The following IFT56 variants were observed in gnomAD, a reference collection of about 807,000 sequenced individuals.
The protein encoded by IFT56 is intraflagellar transport 56, also known as intraflagellar transport protein 56.
At chr7:139,188,932 A>G in the IFT56 span, among the ~76,000 whole-genome samples, 3 of 152,298 alleles carry the variant, frequency 2.0e-5, no homozygotes, top group Non-Finnish European at 4.4e-5. Flanking sequence ...GAGTTAGACA[A>G]ATTAAGTGAC....
the IFT56 span, among the ~76,000 whole-genome samples, chr7:139,137,141 A>G: frequency 2.0e-5 from 3 of 152,208 alleles, no homozygotes; most frequent in African/African-American, 7.2e-5. Context: ...AGTGAAAAAA[A>G]AAATCTTATC....
chr7:139,191,325 T>C, the IFT56 span: 1 of 152,230 alleles, frequency 6.6e-6, no homozygotes, highest in African/African-American at 2.4e-5. Flanking sequence ...ATGGGTCCCA[T>C]CTGGGTAGAA....
chr7:139,159,820 AT>A, the IFT56 span, among the ~76,000 whole-genome samples: 1 of 152,170 alleles, frequency 6.6e-6, no homozygotes, highest in Admixed American at 6.6e-5. Context: ...AAAAAATTTA[AT>A]TGTTTTTATT....
chr7:139,143,550 C>T, the IFT56 span, among the ~76,000 whole-genome samples: 1 of 151,810 alleles, frequency 6.6e-6, no homozygotes. Context: ...TACTTTCTAC[C>T]TTTCTATGTC....
At chr7:139,149,304 C>CA in the IFT56 span, among the ~76,000 whole-genome samples, 23,365 of 110,616 alleles carry the variant, frequency 0.21, 3,585 homozygotes, top group African/African-American at 0.42. Context: ...GACTCCATCT[C>CA]AAAAAAAAAA....
At chr7:139,157,208 G>A in the IFT56 span, among the ~76,000 whole-genome samples, 4 of 137,822 alleles carry the variant, frequency 2.9e-5, no homozygotes, top group African/African-American at 8.0e-5. Flanking sequence ...GTGCAGTGGC[G>A]TGATCTTGCC....
At chr7:139,154,467 A>C in the IFT56 span, among the ~76,000 whole-genome samples, 1 of 151,510 alleles carries the variant, frequency 6.6e-6, no homozygotes, top group African/African-American at 2.4e-5. Flanking sequence ...AGAGTTTTAT[A>C]ATCTTAGCTT....
At chr7:139,147,298 T>C in the IFT56 span, 1 of 1,593,494 alleles carries the variant, frequency 6.3e-7, no homozygotes, top group Non-Finnish European at 8.5e-7. Context: ...CAGGTCTGTG[T>C]CCTTTTATGC....
chr7:139,162,036 C>T, the IFT56 span, among the ~76,000 whole-genome samples: 3 of 151,954 alleles, frequency 2.0e-5, no homozygotes, highest in South Asian at 4.2e-4. Context: ...GGTTTTCAAT[C>T]GCTGAAGTGA....
At chr7:139,158,776 T>A in the IFT56 span, among the ~76,000 whole-genome samples, 2 of 151,920 alleles carry the variant, frequency 1.3e-5, no homozygotes, top group African/African-American at 4.8e-5. Flanking sequence ...TACCCTGGTG[T>A]GGTGGCGTGT....
chr7:139,187,566 C>G, the IFT56 span: 18 of 1,611,458 alleles, frequency 1.1e-5, no homozygotes, highest in Non-Finnish European at 1.5e-5. Context: ...GAAATACTAC[C>G]TCTACTCATT....
At chr7:139,139,211 C>T in the IFT56 span, among the ~76,000 whole-genome samples, 9 of 151,572 alleles carry the variant, frequency 5.9e-5, no homozygotes, top group Non-Finnish European at 1.3e-4. Context: ...AATGAGGAGG[C>T]GAGATGAAGA....
At chr7:139,154,973 C>CTTTTTTT in the IFT56 span, among the ~76,000 whole-genome samples, 1 of 151,888 alleles carries the variant, frequency 6.6e-6, no homozygotes, top group African/African-American at 2.4e-5. Context: ...AATGTTTTTC[C>CTTTTTTT]ATTTATTTAG....
the IFT56 span, chr7:139,134,619 A>G: frequency 6.3e-7 from 1 of 1,577,398 alleles, no homozygotes; most frequent in Non-Finnish European, 8.6e-7. Flanking sequence ...TGATAATCAG[A>G]ATTGGACCAT....
At chr7:139,162,086 G>A in the IFT56 span, among the ~76,000 whole-genome samples, 1 of 152,106 alleles carries the variant, frequency 6.6e-6, no homozygotes, top group South Asian at 2.1e-4. Context: ...GAAAAATATG[G>A]TTCCAAAACA....
chr7:139,151,850 T>C, the IFT56 span, among the ~76,000 whole-genome samples: 1 of 151,988 alleles, frequency 6.6e-6, no homozygotes, highest in Non-Finnish European at 1.5e-5. Context: ...TCACCTGAGG[T>C]CAGGAGTTCG....
At chr7:139,149,443 A>G in the IFT56 span, among the ~76,000 whole-genome samples, 1 of 151,726 alleles carries the variant, frequency 6.6e-6, no homozygotes. Flanking sequence ...ATTCTAACCC[A>G]GGAGTTTCTC....
At chr7:139,162,523 A>G in the IFT56 span, among the ~76,000 whole-genome samples, 6 of 152,118 alleles carry the variant, frequency 3.9e-5, no homozygotes, top group Non-Finnish European at 2.9e-5. Context: ...TCAGGGCAAT[A>G]TAAGTGGTTG....
chr7:139,179,553 CT>C, the IFT56 span: 1 of 1,610,136 alleles, frequency 6.2e-7, no homozygotes. Flanking sequence ...TGTGTATTCC[CT>C]TTCTTTCCTC....
Sources: allele counts gnomAD v4.1 joint callset (sites outside exome capture counted in the v4.1 genomes callset), GRCh38; gene constraint gnomAD v4.1.1; transcripts MANE v1.5; gene names NCBI Gene and HGNC (gene_info 2026-07-23, HGNC 2026-07-21).